The following ANKRD36C variants were observed in gnomAD, a reference collection of about 807,000 sequenced individuals.
ANKRD36C encodes ankyrin repeat domain 36C, also known as ankyrin repeat domain-containing protein 36C.
A neutral mutation model predicts 276.4 loss-of-function variants in ANKRD36C; 61 were observed. That is an observed-to-expected ratio of 0.22 (90% CI 0.18 to 0.27). The LOEUF (loss-of-function observed/expected upper bound fraction) is 0.27, where lower values mean the gene tolerates loss of function less well. Ranked by LOEUF, ANKRD36C falls within the 10% of genes least tolerant of loss-of-function variation. ANKRD36C has a pLI of 1.00. For missense variants in ANKRD36C, 1,447 were observed against 2,032.3 expected (o/e 0.71, Z 5.54); for synonymous variants, 483 against 680.1 (o/e 0.71, Z 4.51).
rs764099146 is a variant in ANKRD36C, at chr2:95,853,812, CGTTT to C, written c.5041_5044del (p.Lys1681AspfsTer18). On this transcript the variant is annotated frameshift_variant, in exon 64 of 67. Transcript: ENST00000456556. LOFTEE classifies it high-confidence loss of function. ...ATCCAGCAAAGCTTTTGTTGCTGAT[CGTTT>C]GTTTAAGACATCATCTTGTTTTTGT... The C allele has an allele frequency of 6.8e-5, 109 of 1,608,084 alleles. No individual in the cohort carries two copies. The highest frequency in any genetic ancestry group is 8.5e-5 in the Non-Finnish European group (100 of 1,177,818).
At chr2:95,874,528 T>C (rs1675896735) in intron 59 of ANKRD36C, among the ~76,000 whole-genome samples, 2 of 152,172 alleles carry the variant, frequency 1.3e-5, no homozygotes, top group South Asian at 4.1e-4. Context: ...AAAAATTAAT[T>C]CAAGATGGAT....
intron 26 of ANKRD36C, 70 bp from the exon 27 acceptor site, chr2:95,927,479 T>A: frequency 6.3e-7 from 1 of 1,596,722 alleles, no homozygotes; most frequent in South Asian, 1.1e-5. Context: ...ATTCATGAAG[T>A]GTTAGCATCA....
chr2:95,941,569 CA>C (rs1325404993), intron 19 of ANKRD36C, among the ~76,000 whole-genome samples: 1 of 150,894 alleles, frequency 6.6e-6, no homozygotes, highest in Non-Finnish European at 1.5e-5. Context: ...GCAGCATGTG[CA>C]AAAAAATGAA....
At chr2:95,882,753 G>A (rs1360672932) in intron 54 of ANKRD36C, among the ~76,000 whole-genome samples, 1 of 152,118 alleles carries the variant, frequency 6.6e-6, no homozygotes, top group Non-Finnish European at 1.5e-5. Context: ...GAAATAAAAA[G>A]TGTCAATATC....
intron 6 of ANKRD36C, among the ~76,000 whole-genome samples, chr2:95,974,082 T>C (rs916691268): frequency 1.3e-5 from 2 of 150,972 alleles, no homozygotes; most frequent in Admixed American, 6.6e-5. Context: ...AACTTATATA[T>C]AGATGGTTAA....
At chr2:95,982,327 T>C (rs113594370) in exon 4 of ANKRD36C, 5 of 1,550,496 alleles carry the variant, frequency 3.2e-6, no homozygotes, top group Non-Finnish European at 4.4e-6. Context: ...TCACTTTTCT[T>C]TGACTCACAG....
intron 38 of ANKRD36C, among the ~76,000 whole-genome samples, chr2:95,914,760 A>G (rs1047438611): frequency 7.3e-5 from 11 of 151,510 alleles, no homozygotes; most frequent in Admixed American, 3.3e-4. Context: ...CTGAGAAGGC[A>G]CACAATTCCG....
intron 54 of ANKRD36C, 130 bp downstream of exon 74, chr2:95,884,043 C>T: frequency 1.8e-6 from 2 of 1,112,974 alleles, no homozygotes; most frequent in African/African-American, 1.6e-5. Flanking sequence ...GAACTTATTA[C>T]AAATGAAGAA....
chr2:95,980,671 A>G, exon 5 of ANKRD36C: 3 of 1,612,738 alleles, frequency 1.9e-6, no homozygotes, highest in Non-Finnish European at 2.5e-6. Flanking sequence ...CCTCGCTGGC[A>G]TAATCTTCTG....
At chr2:95,941,755 G>C (rs1283143408) in intron 19 of ANKRD36C, among the ~76,000 whole-genome samples, 1 of 152,308 alleles carries the variant, frequency 6.6e-6, no homozygotes, top group Admixed American at 6.5e-5. Context: ...AGATGAGTTA[G>C]ATCAAAGTAA....
At chr2:95,961,635 G>A (rs199549304) in intron 8 of ANKRD36C, among the ~76,000 whole-genome samples, 1 of 149,406 alleles carries the variant, frequency 6.7e-6, no homozygotes, top group Non-Finnish European at 1.5e-5. Context: ...TTCATGATTA[G>A]CCTATTTGAA....
intron 60 of ANKRD36C, among the ~76,000 whole-genome samples, chr2:95,862,765 AGGTAGTT>A (rs1412112193): frequency 5.9e-5 from 9 of 152,090 alleles, no homozygotes; most frequent in African/African-American, 2.2e-4. Context: ...GGATTTTTAC[AGGTAGTT>A]GGTCATGAGA....
Position 95,925,509 on chromosome 2 carries a change from GA to G in ANKRD36C, c.1968+9del. ...TAAATAATTCAAAATATAAATGAAA[GA>G]GTAACTACCTTCCAGGCTGATTGTT... On this transcript the variant is annotated intron_variant, in intron 29 of 66. Coordinates refer to ENST00000456556, the Ensembl canonical transcript of ANKRD36C. 1 of 1,549,834 alleles carries G rather than the reference GA, an allele frequency of 6.5e-7. No individual in the cohort carries two copies.
chr2:95,913,634 C>T (rs1400736632), intron 40 of ANKRD36C, among the ~76,000 whole-genome samples: 1 of 151,436 alleles, frequency 6.6e-6, no homozygotes, highest in Non-Finnish European at 1.5e-5. Flanking sequence ...TTCCTCTTTT[C>T]ACACCTTCCT....
At chr2:95,887,562 T>C (rs903941896) in intron 50 of ANKRD36C, among the ~76,000 whole-genome samples, 10 of 151,700 alleles carry the variant, frequency 6.6e-5, no homozygotes, top group African/African-American at 1.7e-4. Flanking sequence ...GTCTTTTTTA[T>C]AGCAGTATGA....
intron 44 of ANKRD36C, among the ~76,000 whole-genome samples, chr2:95,892,927 C>T (rs1676417252): frequency 6.6e-6 from 1 of 150,998 alleles, no homozygotes; most frequent in African/African-American, 2.4e-5. Flanking sequence ...AGGATTGTTT[C>T]CTTCTTCCAG....
At chr2:95,921,267 T>G (rs1337592033) in intron 34 of ANKRD36C, among the ~76,000 whole-genome samples, 2 of 150,612 alleles carry the variant, frequency 1.3e-5, no homozygotes, top group African/African-American at 4.9e-5. Context: ...AATCTATACT[T>G]CCTCTCTTTC....
chr2:95,850,946 G>A (rs910313310), downstream of ANKRD36C, among the ~76,000 whole-genome samples: 6 of 152,124 alleles, frequency 3.9e-5, no homozygotes, highest in Non-Finnish European at 2.9e-5. Flanking sequence ...GACTTCTTGC[G>A]ATTTTTTAAA....
intron 6 of ANKRD36C, among the ~76,000 whole-genome samples, chr2:95,972,093 A>G (rs1455777331): frequency 1.3e-5 from 2 of 152,200 alleles, no homozygotes; most frequent in African/African-American, 2.4e-5. Context: ...AATAATTCAT[A>G]TAACAGTCAT....
Sources: gnomAD v4.1 joint callset for allele counts (sites outside exome capture counted in the v4.1 genomes callset) on GRCh38, gnomAD v4.1.1 for gene constraint, MANE v1.5 for transcripts, NCBI Gene and HGNC (gene_info 2026-07-23, HGNC 2026-07-21) for gene names.